GNB1L: variants seen among roughly 807,000 people sequenced by gnomAD.
GNB1L encodes G protein subunit beta 1 like, also known as guanine nucleotide-binding protein subunit beta-like protein 1.
Under a neutral mutation model 29.1 loss-of-function variants are expected in GNB1L, and 20 were observed. The observed-to-expected ratio is 0.69, with a 90% CI of 0.48 to 1.00. GNB1L has a LOEUF of 1.00. Among genes scored for constraint, GNB1L ranks in the 50% least tolerant of loss-of-function variants. The pLI is 0.00. For missense variants in GNB1L, 421 were observed against 464.9 expected, an observed-to-expected ratio of 0.91 and a Z score of 0.87; for synonymous variants, 193 against 206.5, an observed-to-expected ratio of 0.93 and a Z score of 0.56.
At chr22:19,810,971 G>C (rs2093145372) in intron 5 of GNB1L, among the ~76,000 whole-genome samples, 1 of 152,216 alleles carries the variant, frequency 6.6e-6, no homozygotes, top group Admixed American at 6.5e-5. Context: ...GGCGGCCTGG[G>C]GGTGGCCGAG....
chr22:19,835,300 TTCCTC>T (rs1937744417), intron 2 of GNB1L, among the ~76,000 whole-genome samples: 1 of 151,562 alleles, frequency 6.6e-6, no homozygotes, highest in African/African-American at 2.4e-5. Flanking sequence ...AAGAAACACA[TTCCTC>T]TCAAATGCAC....
At chr22:19,835,115 GA>G (rs1159642743) in intron 2 of GNB1L, among the ~76,000 whole-genome samples, 2 of 152,046 alleles carry the variant, frequency 1.3e-5, no homozygotes, top group Non-Finnish European at 2.9e-5. Context: ...AATGCATGAA[GA>G]AAAAACTGAT....
chr22:19,841,508 G>A (rs759134957), intron 2 of GNB1L, among the ~76,000 whole-genome samples: 2 of 152,074 alleles, frequency 1.3e-5, no homozygotes, highest in East Asian at 1.9e-4. Flanking sequence ...GGTGGTGCCC[G>A]CCATGATAGT....
chr22:19,836,964 A>G (rs2145893592), intron 2 of GNB1L, among the ~76,000 whole-genome samples: 1 of 151,776 alleles, frequency 6.6e-6, no homozygotes, highest in Non-Finnish European at 1.5e-5. Context: ...GCTCTTGAAA[A>G]GAGATTTTTT....
chr22:19,808,380 G>C (rs1317725572), intron 5 of GNB1L, among the ~76,000 whole-genome samples: 1 of 152,210 alleles, frequency 6.6e-6, no homozygotes, highest in Non-Finnish European at 1.5e-5. Flanking sequence ...GGGCAAAAAA[G>C]AACTCAGTAA....
At chr22:19,791,000 G>GCAGGAGGACTGCCTGAGCC (rs1569036994) in intron 7 of GNB1L, among the ~76,000 whole-genome samples, 1 of 152,190 alleles carries the variant, frequency 6.6e-6, no homozygotes, top group East Asian at 1.9e-4. Context: ...GGAGGCCAAG[G>GCAGGAGGACTGCCTGAGCC]CAGGAGGACT....
chr22:19,796,785 T>C (rs1937311019), intron 7 of GNB1L, among the ~76,000 whole-genome samples: 1 of 152,156 alleles, frequency 6.6e-6, no homozygotes, highest in African/African-American at 2.4e-5. Context: ...TGAGTGCCGA[T>C]GGGCTGTGCA....
intron 2 of GNB1L, chr22:19,849,357 T>A (rs1315182533): frequency 2.1e-6 from 2 of 937,720 alleles, no homozygotes; most frequent in Non-Finnish European, 2.5e-6. Context: ...CTAAATAAGG[T>A]TTTTGTTTTT....
intron 6 of GNB1L, among the ~76,000 whole-genome samples, chr22:19,805,027 G>A (rs1242460256): frequency 6.6e-6 from 1 of 152,218 alleles, no homozygotes; most frequent in Non-Finnish European, 1.5e-5. Context: ...GGAGCCTTGT[G>A]TGGGCACATG....
intron 2 of GNB1L, chr22:19,850,306 C>T: frequency 1.0e-6 from 1 of 982,068 alleles, no homozygotes; most frequent in African/African-American, 1.7e-5. Context: ...AGACAGAGCC[C>T]CTGTGCTGAG....
chr22:19,789,192 C>T (rs1405068150), intron 7 of GNB1L, among the ~76,000 whole-genome samples: 1 of 152,184 alleles, frequency 6.6e-6, no homozygotes, highest in Non-Finnish European at 1.5e-5. Flanking sequence ...CTCGCACCAG[C>T]TCTGACCGAC....
At chr22:19,838,461 T>TTATTTA (rs1937802602) in intron 2 of GNB1L, among the ~76,000 whole-genome samples, 1 of 137,546 alleles carries the variant, frequency 7.3e-6, no homozygotes, top group East Asian at 2.2e-4. Flanking sequence ...ATTTATTTAT[T>TTATTTA]TTTTTATTTT....
chr22:19,789,650 G>A (rs1181533470), intron 7 of GNB1L, among the ~76,000 whole-genome samples: 6 of 152,082 alleles, frequency 3.9e-5, no homozygotes, highest in Middle Eastern at 6.3e-3. Context: ...CAGGTCCTAC[G>A]TGCACGGGGC....
At chr22:19,839,143 G>A (rs1937815276) in intron 2 of GNB1L, among the ~76,000 whole-genome samples, 1 of 152,170 alleles carries the variant, frequency 6.6e-6, no homozygotes, top group Non-Finnish European at 1.5e-5. Context: ...AGGGGGAGGG[G>A]ATCACTGCCA....
chr22:19,788,580 G>A lies in GNB1L; in HGVS notation c.*129C>T, dbSNP rs368471382. On this transcript the variant is annotated 3_prime_UTR_variant, in exon 8 of 8. Coordinates refer to ENST00000329517, the MANE Select transcript of GNB1L (RefSeq NM_053004.3). ...GAAATACCAACCTCATGAAGACAGC[G>A]GGGACTCCATGGTCCTTGGGCCATG... is the stretch of plus-strand genomic sequence containing the variant. 2.6e-4 allele frequency: 299 copies of A among 1,147,832 alleles called. 1 individual carries two copies. The highest frequency in any genetic ancestry group is 3.4e-4 in the Non-Finnish European group (259 of 755,100). 71.1% of individuals were successfully genotyped at this position (1,147,832 alleles called of 1,614,324 possible). A position where few individuals can be genotyped will look rare whatever the true frequency, so the allele number is the denominator to read the frequency against.
intron 7 of GNB1L, among the ~76,000 whole-genome samples, chr22:19,797,801 C>G (rs1320172928): frequency 6.6e-6 from 1 of 152,184 alleles, no homozygotes; most frequent in African/African-American, 2.4e-5. Flanking sequence ...GGGCCCGGGG[C>G]CCCCTGGTTC....
At chr22:19,822,684 C>A (rs566082764) in intron 2 of GNB1L, among the ~76,000 whole-genome samples, 1 of 152,204 alleles carries the variant, frequency 6.6e-6, no homozygotes. Context: ...GGATGGCCCA[C>A]GGCAGCCACA....
chr22:19,851,138 G>T, intron 2 of GNB1L: 1 of 1,557,676 alleles, frequency 6.4e-7, no homozygotes. Flanking sequence ...TCATCATGAG[G>T]GGCAGCATTG....
At chr22:19,803,097 G>C (rs568876847) in intron 6 of GNB1L, among the ~76,000 whole-genome samples, 2 of 152,224 alleles carry the variant, frequency 1.3e-5, no homozygotes, top group Non-Finnish European at 2.9e-5. Flanking sequence ...TGCATCAGAA[G>C]GCTGGTGATG....
Sources: allele counts gnomAD v4.1 joint callset (sites outside exome capture counted in the v4.1 genomes callset), GRCh38; gene constraint gnomAD v4.1.1; transcripts MANE v1.5; gene names NCBI Gene and HGNC (gene_info 2026-07-23, HGNC 2026-07-21).